IPMK: variants seen among roughly 807,000 people sequenced by gnomAD.
The protein encoded by IPMK is inositol polyphosphate multikinase.
In IPMK, 17 loss-of-function variants were observed where a neutral mutation model predicts 45.8. That is an observed-to-expected ratio of 0.37 (90% confidence interval 0.25 to 0.56). IPMK has a LOEUF of 0.56. Among genes scored for constraint, IPMK ranks in the 20% least tolerant of loss-of-function variants. The pLI, the probability that IPMK is intolerant of heterozygous loss-of-function variation, is 0.79. For synonymous variants in IPMK, 180 were observed against 184.3 expected (o/e 0.98, Z 0.19); for missense variants, 399 against 498.0 (o/e 0.80, Z 1.89).
intron 1 of IPMK, among the ~76,000 whole-genome samples, chr10:58,254,557 ATTGGAG>A (rs1321473296): frequency 1.3e-5 from 2 of 152,154 alleles, no homozygotes; most frequent in African/African-American, 2.4e-5. Flanking sequence ...CTAGTTCATT[ATTGGAG>A]TTGAACTGGT....
chr10:58,264,436 T>A (rs1469547680), intron 1 of IPMK, among the ~76,000 whole-genome samples: 1 of 152,308 alleles, frequency 6.6e-6, no homozygotes, highest in African/African-American at 2.4e-5. Context: ...CCCTATAGAC[T>A]ACCCCATTTC....
Position 58,267,643 on chromosome 10 carries a change from A to G in IPMK, c.-32T>C. 6.7e-7 allele frequency: 1 copy of G among 1,502,462 alleles called. No homozygotes were observed. The highest frequency in any genetic ancestry group is 9.1e-7 in the Non-Finnish European group (1 of 1,102,256). 93.1% of individuals were successfully genotyped at this position (1,502,462 alleles called of 1,614,324 possible). On this transcript the variant is annotated 5_prime_UTR_variant, in exon 1 of 6. Transcript: ENST00000373935. ...GAGCAGAAGCGGTAACGGCAGCGAG[A>G]GTAGGAAAAAAAATAGGGCGAGGGA...
chr10:58,257,708 A>G (rs1838993407), intron 1 of IPMK, among the ~76,000 whole-genome samples: 1 of 152,156 alleles, frequency 6.6e-6, no homozygotes, highest in Non-Finnish European at 1.5e-5. Flanking sequence ...CAGATGAGTT[A>G]AAAGTGAAAG....
At position 58,211,571 on chromosome 10, in the gene IPMK, T is replaced by C. The variant is rs545869853; in HGVS notation, c.546+4574A>G. On this transcript the variant is annotated intron_variant, in intron 4 of 5. Transcript: ENST00000373935. Reference sequence around the variant, plus strand: ...AGACAGGGAATAACAGGGATTTGTTTTTAGGCTGGGCACAGTGGCTCATGC... The same window carrying C: ...AGACAGGGAATAACAGGGATTTGTTCTTAGGCTGGGCACAGTGGCTCATGC... Among the ~76,000 whole-genome samples the C allele has an allele frequency of 1.1e-4, 16 of 151,898 alleles. No individual in the cohort carries two copies. The East Asian group carries it at 2.9e-3, about 28-fold the overall frequency.
At chr10:58,239,195 A>C (rs567481908) in intron 1 of IPMK, among the ~76,000 whole-genome samples, 1 of 152,286 alleles carries the variant, frequency 6.6e-6, no homozygotes, top group Admixed American at 6.5e-5. Flanking sequence ...TATAGAATAG[A>C]AGGTAGGTAA....
chr10:58,199,600 G>GT (rs1174899910), intron 4 of IPMK, among the ~76,000 whole-genome samples: 2 of 152,186 alleles, frequency 1.3e-5, no homozygotes, highest in Non-Finnish European at 2.9e-5. Context: ...TTAGTCTCAA[G>GT]TTTAAAGGAG....
chr10:58,229,603 T>C (rs1174232464), intron 2 of IPMK, among the ~76,000 whole-genome samples: 4 of 146,908 alleles, frequency 2.7e-5, no homozygotes, highest in African/African-American at 1.0e-4. Context: ...TATTGTACTA[T>C]CACATTAACA....
At chr10:58,225,606 T>C (rs1356505582) in intron 3 of IPMK, among the ~76,000 whole-genome samples, 1 of 152,196 alleles carries the variant, frequency 6.6e-6, no homozygotes, top group Non-Finnish European at 1.5e-5. Flanking sequence ...TATTCTACTC[T>C]TTCCAAACAA....
chr10:58,195,120 T>C lies in IPMK; in HGVS notation c.*956A>G, dbSNP rs1837872893. ...TTACTATAATTCTGAGAAACTGTTT[T>C]TAACAACATACATTTACACTACCAC... On this transcript the variant is annotated 3_prime_UTR_variant, in exon 6 of 6. Transcript: ENST00000373935. The C allele has an allele frequency of 6.6e-6, 1 of 152,008 alleles. No individual in the cohort carries two copies. Among genetic ancestry groups the C allele is most frequent in the Admixed American group, 6.6e-5 (1 of 15,266 alleles). 9.4% of individuals were successfully genotyped at this position (152,008 alleles called of 1,614,324 possible).
intron 1 of IPMK, among the ~76,000 whole-genome samples, chr10:58,255,592 G>A (rs187902581): frequency 3.0e-4 from 46 of 152,186 alleles, no homozygotes; most frequent in Admixed American, 2.7e-3. Flanking sequence ...CAGTGAGGTA[G>A]GGGATCTTCT....
chr10:58,231,204 G>A (rs1312329410), intron 2 of IPMK, among the ~76,000 whole-genome samples: 1 of 152,204 alleles, frequency 6.6e-6, no homozygotes, highest in Non-Finnish European at 1.5e-5. Flanking sequence ...ACATTTGACT[G>A]GTATACCTGG....
intron 4 of IPMK, among the ~76,000 whole-genome samples, chr10:58,203,741 T>A (rs1436250307): frequency 6.6e-6 from 1 of 152,236 alleles, no homozygotes; most frequent in Non-Finnish European, 1.5e-5. Flanking sequence ...TAAACTTACT[T>A]GATAAAGCAG....
chr10:58,201,620 A>C (rs1258422533), intron 4 of IPMK, among the ~76,000 whole-genome samples: 6 of 152,130 alleles, frequency 3.9e-5, no homozygotes, highest in Non-Finnish European at 7.4e-5. Flanking sequence ...CCCTCCAATT[A>C]ATTAATTAAT....
At chr10:58,227,305 A>G (rs1395337034) in intron 2 of IPMK, among the ~76,000 whole-genome samples, 166 bp from the exon 3 acceptor site, 1 of 129,282 alleles carries the variant, frequency 7.7e-6, no homozygotes, top group African/African-American at 3.9e-5. Flanking sequence ...CCAATGAGTA[A>G]CTATGTATTT....
chr10:58,213,982 TAACG>T (rs1838206393), intron 4 of IPMK, among the ~76,000 whole-genome samples: 4 of 152,142 alleles, frequency 2.6e-5, no homozygotes, highest in Non-Finnish European at 5.9e-5. Flanking sequence ...GAAATAGAAA[TAACG>T]AGTTTGGTTG....
At position 58,235,092 on chromosome 10, in the gene IPMK, C is replaced by A. The variant is rs180940665; in HGVS notation, c.276+2637G>T. ...TGCTCATCAGCACTGGTCATCAGAG[C>A]AATGCAAATCAAAACCACAATGAGA... On this transcript the variant is annotated intron_variant, in intron 2 of 5. Coordinates refer to ENST00000373935, the MANE Select transcript of IPMK (RefSeq NM_152230.5). Among the ~76,000 whole-genome samples the A allele has an allele frequency of 5.5e-3, 844 of 152,216 alleles. 12 individuals are homozygous for A. The highest frequency in any genetic ancestry group is 0.022 in the Admixed American group (338 of 15,296).
At position 58,191,594 on chromosome 10, in the gene IPMK, T is replaced by C. The variant is rs1272167165; in HGVS notation, c.*4482A>G. 1.3e-5 allele frequency: 2 copies of C among 152,106 alleles called. No homozygotes were observed. Among genetic ancestry groups the C allele is most frequent in the Non-Finnish European group, 2.9e-5 (2 of 67,960 alleles). The allele number at this position is 152,106 out of a possible 1,614,324, so 9.4% of individuals were successfully genotyped here. ...TGTAAATATCACTTATAAAAATTGGTATATCACATTAGATGATTCTATAAA... is the reference window on the plus strand; with the variant it reads ...TGTAAATATCACTTATAAAAATTGGCATATCACATTAGATGATTCTATAAA... On this transcript the variant is annotated 3_prime_UTR_variant, in exon 6 of 6. Transcript: ENST00000373935.
intron 1 of IPMK, among the ~76,000 whole-genome samples, chr10:58,242,859 A>G (rs1360657395): frequency 6.6e-6 from 1 of 152,118 alleles, no homozygotes; most frequent in Non-Finnish European, 1.5e-5. Context: ...TCATGGGGAC[A>G]GATATCCCCC....
chr10:58,223,730 G>A (rs1223065591), intron 3 of IPMK, among the ~76,000 whole-genome samples: 1 of 152,188 alleles, frequency 6.6e-6, no homozygotes, highest in Admixed American at 6.5e-5. Context: ...CCCATGTGCT[G>A]AGGGAGGAAC....
Sources: allele counts gnomAD v4.1 joint callset (sites outside exome capture counted in the v4.1 genomes callset), GRCh38; gene constraint gnomAD v4.1.1; transcripts MANE v1.5; gene names NCBI Gene and HGNC (gene_info 2026-07-23, HGNC 2026-07-21).